Variants in MAGI1 observed in about 807,000 individuals in gnomAD.
MAGI1 encodes membrane associated guanylate kinase, WW and PDZ domain containing 1.
In MAGI1, 58 loss-of-function variants were observed where a neutral mutation model predicts 139.9. The ratio of observed to expected loss-of-function variants is 0.41; its 90% CI spans 0.34 to 0.52. The LOEUF is 0.52. MAGI1 is among the 20% of genes least tolerant of loss of function. The pLI, the probability that MAGI1 is intolerant of heterozygous loss-of-function variation, is 0.12. For missense variants in MAGI1, 1,874 were observed against 1,901.6 expected (o/e 0.99, Z 0.27); for synonymous variants, 812 against 737.9 (o/e 1.10, Z -1.63).
chr3:65,969,272 G>A (rs1474025218), intron 1 of MAGI1, among the ~76,000 whole-genome samples: 1 of 152,146 alleles, frequency 6.6e-6, no homozygotes, highest in Non-Finnish European at 1.5e-5. Flanking sequence ...GCTGTTATCT[G>A]TAACCATTTC....
chr3:65,676,522 A>T (rs1277614697), intron 1 of MAGI1, among the ~76,000 whole-genome samples: 1 of 152,154 alleles, frequency 6.6e-6, no homozygotes, highest in African/African-American at 2.4e-5. Flanking sequence ...GAAGAAAAAC[A>T]CTCCAATTAA....
intron 18 of MAGI1, 84 bp downstream of exon 18, chr3:65,375,659 CAA>C (rs1363833748): frequency 8.6e-7 from 1 of 1,168,416 alleles, no homozygotes; most frequent in Non-Finnish European, 1.2e-6. Context: ...GAACACTAAT[CAA>C]AGAGAGAGAA....
intron 1 of MAGI1, among the ~76,000 whole-genome samples, chr3:65,623,452 G>A (rs1248545470): frequency 2.0e-5 from 3 of 152,172 alleles, no homozygotes; most frequent in Non-Finnish European, 4.4e-5. Flanking sequence ...AAGGCTTGTA[G>A]ATCAACCTAA....
intron 2 of MAGI1, among the ~76,000 whole-genome samples, chr3:65,595,666 C>T (rs752410098): frequency 2.6e-5 from 4 of 152,160 alleles, no homozygotes; most frequent in African/African-American, 2.4e-5. Context: ...ACCGATTCCA[C>T]GTCTCTCTAG....
Position 65,391,358 on chromosome 3 carries a change from G to A in MAGI1, c.2200C>T (p.Gln734Ter). ...TGGCTGTCTTTCCTTTCCAGTGGTTGCTGAAAGTAAGCAAGTGAGAGGGGC... is the reference window on the plus strand; with the variant it reads ...TGGCTGTCTTTCCTTTCCAGTGGTTACTGAAAGTAAGCAAGTGAGAGGGGC... ...LPVPKKSPKS[Q>*]PLERKDSQNS... Residue 734 changes from glutamine (Q) to a stop codon, truncating the protein, a stop_gained and splice_region_variant, in exon 14 of 23, where the codon CAA becomes TAA. Transcript: ENST00000402939. LOFTEE classifies it high-confidence loss of function. 1 of 1,613,678 alleles carries A rather than the reference G, an allele frequency of 6.2e-7. No homozygotes were observed. Among genetic ancestry groups the A allele is most frequent in the Non-Finnish European group, 8.5e-7 (1 of 1,179,606 alleles).
At chr3:65,376,132 G>C (rs1000381722) in intron 17 of MAGI1, among the ~76,000 whole-genome samples, 187 bp from the exon 18 acceptor site, 1 of 152,194 alleles carries the variant, frequency 6.6e-6, no homozygotes, top group Non-Finnish European at 1.5e-5. Context: ...GTCTGTATAA[G>C]GAGCTACTGC....
chr3:65,406,165 T>A (rs1334685873), intron 12 of MAGI1, among the ~76,000 whole-genome samples: 1 of 152,118 alleles, frequency 6.6e-6, no homozygotes, highest in African/African-American at 2.4e-5. Context: ...TATAGTTTTA[T>A]TAAAGAACCC....
In MAGI1 at chr3:65,680,798, A is replaced by ATATGATAT. The variant is rs528938659; in HGVS notation, c.314-58711_314-58710insATATCATA. ...GATATGATATGATATGATATGATAT[A>ATATGATAT]CTTTAATAATTATTAAAATCATAAT... On this transcript the variant is annotated intron_variant, in intron 1 of 22. Transcript: ENST00000402939. Among the ~76,000 whole-genome samples, 85 of 80,788 alleles carry ATATGATAT rather than the reference A, an allele frequency of 1.1e-3. 1 individual carries two copies. The highest frequency in any genetic ancestry group is 6.3e-3 in the African/African-American group (80 of 12,778). 53.0% of individuals were successfully genotyped at this position (80,788 alleles called of 152,430 possible). A position where few individuals can be genotyped will look rare whatever the true frequency, so the allele number is the denominator to read the frequency against.
chr3:65,938,520 T>C (rs1250390824), intron 1 of MAGI1, among the ~76,000 whole-genome samples: 2 of 151,962 alleles, frequency 1.3e-5, no homozygotes, highest in East Asian at 1.9e-4. Flanking sequence ...CTCCATCTTA[T>C]AAGGACATTG....
intron 1 of MAGI1, among the ~76,000 whole-genome samples, chr3:66,000,145 T>C (rs1409434706): frequency 6.6e-6 from 1 of 151,818 alleles, no homozygotes. Context: ...GCTAATTTTC[T>C]TTTTGTATTT....
chr3:65,363,697 C>G lies in MAGI1; in HGVS notation c.3352-89G>C, dbSNP rs1048531924. ...CATTCTTGGCAAAAAGGCACAATCT[C>G]TATCCCCCTCTTGGTGACTCTTGTT... On this transcript the variant is annotated intron_variant, in intron 20 of 22. Transcript: ENST00000402939. 8.4e-6 allele frequency: 9 copies of G among 1,065,638 alleles called. No homozygotes were observed. In the African/African-American group the frequency reaches 1.4e-4, roughly 17 times the overall value. The allele number at this position is 1,065,638 out of a possible 1,614,324, so 66.0% of individuals were successfully genotyped here. A position where few individuals can be genotyped will look rare whatever the true frequency, so the allele number is the denominator to read the frequency against.
At chr3:66,005,802 C>G (rs1314057483) in intron 1 of MAGI1, among the ~76,000 whole-genome samples, 1 of 152,008 alleles carries the variant, frequency 6.6e-6, no homozygotes, top group Non-Finnish European at 1.5e-5. Flanking sequence ...CATGCATCTC[C>G]CATGGATCTA....
At chr3:65,748,121 G>A (rs1183649796) in intron 1 of MAGI1, among the ~76,000 whole-genome samples, 1 of 152,214 alleles carries the variant, frequency 6.6e-6, no homozygotes, top group Non-Finnish European at 1.5e-5. Context: ...GAGGCAGTCA[G>A]GCTCCAAGCA....
intron 2 of MAGI1, among the ~76,000 whole-genome samples, chr3:65,520,863 A>C (rs2078121053): frequency 6.6e-6 from 1 of 152,218 alleles, no homozygotes; most frequent in African/African-American, 2.4e-5. Flanking sequence ...CATGGGAGCT[A>C]ACTCAATATC....
chr3:65,480,585 C>CTTT (rs71102864), intron 3 of MAGI1, among the ~76,000 whole-genome samples: 2 of 99,078 alleles, frequency 2.0e-5, no homozygotes, highest in African/African-American at 7.5e-5. Flanking sequence ...AATAAGGTTT[C>CTTT]TTTTTTTTTT....
chr3:65,461,617 TAGCTGGG>T (rs1451789708), intron 5 of MAGI1, among the ~76,000 whole-genome samples: 1 of 150,832 alleles, frequency 6.6e-6, no homozygotes, highest in African/African-American at 2.4e-5. Flanking sequence ...GCCTCCCGAG[TAGCTGGG>T]ACTACAGGCG....
intron 1 of MAGI1, among the ~76,000 whole-genome samples, chr3:65,743,844 G>A (rs2035475095): frequency 6.6e-6 from 1 of 151,846 alleles, no homozygotes; most frequent in African/African-American, 2.4e-5. Context: ...AGTCTTGAGT[G>A]GAACACATTT....
intron 1 of MAGI1, among the ~76,000 whole-genome samples, chr3:66,002,385 G>T (rs2066789555): frequency 6.6e-6 from 1 of 152,040 alleles, no homozygotes; most frequent in Non-Finnish European, 1.5e-5. Flanking sequence ...AATTTTATTT[G>T]TAAGGATCTA....
At chr3:65,754,312 G>A (rs1349491011) in intron 1 of MAGI1, among the ~76,000 whole-genome samples, 2 of 152,098 alleles carry the variant, frequency 1.3e-5, no homozygotes, top group Admixed American at 6.5e-5. Flanking sequence ...TTCAAGTGAT[G>A]TAGGAAAAAA....
Sources: allele counts gnomAD v4.1 joint callset (sites outside exome capture counted in the v4.1 genomes callset), GRCh38; gene constraint gnomAD v4.1.1; transcripts MANE v1.5; gene names NCBI Gene and HGNC (gene_info 2026-07-23, HGNC 2026-07-21).